FAXC: variants seen among roughly 807,000 people sequenced by gnomAD.
FAXC encodes failed axon connections homolog, metaxin like GST domain containing, also known as failed axon connections homolog.
FAXC carries 10 observed loss-of-function variants against 41.9 expected under a neutral mutation model. The observed-to-expected ratio is 0.24, with a 90% CI of 0.15 to 0.41. The LOEUF (loss-of-function observed/expected upper bound fraction) is 0.41, where lower values mean the gene tolerates loss of function less well. Among genes scored for constraint, FAXC ranks in the 10% least tolerant of loss-of-function variants. FAXC has a pLI of 1.00. For missense variants in FAXC, 399 were observed against 510.9 expected (o/e 0.78, Z 2.11); for synonymous variants, 183 against 183.8 (o/e 1.00, Z 0.03).
At chr6:99,329,965 C>T (rs1772972917) in intron 3 of FAXC, among the ~76,000 whole-genome samples, 2 of 151,510 alleles carry the variant, frequency 1.3e-5, no homozygotes, top group Non-Finnish European at 1.5e-5. Context: ...GTAGCGCGAT[C>T]ACGGCTCAAT....
chr6:99,330,501 A>G (rs1258137769), intron 3 of FAXC, among the ~76,000 whole-genome samples: 2 of 152,246 alleles, frequency 1.3e-5, no homozygotes, highest in African/African-American at 4.8e-5. Flanking sequence ...AAGCCACTTT[A>G]GAGCTGAGTG....
At chr6:99,284,369 C>T (rs924912607) in intron 5 of FAXC, among the ~76,000 whole-genome samples, 14 of 152,156 alleles carry the variant, frequency 9.2e-5, no homozygotes, top group Admixed American at 9.2e-4. Context: ...GCTGGGAGCC[C>T]ACACACTCCT....
intron 2 of FAXC, chr6:99,334,515 T>C (rs1773147254): frequency 6.1e-6 from 3 of 494,982 alleles, no homozygotes; most frequent in South Asian, 8.7e-5. Context: ...TTATCCCTGA[T>C]GTTACCCCAG....
intron 1 of FAXC, among the ~76,000 whole-genome samples, chr6:99,348,072 T>A (rs1193435363): frequency 2.0e-5 from 3 of 152,240 alleles, no homozygotes; most frequent in African/African-American, 7.2e-5. Context: ...AATAATCTCC[T>A]GGGATCCCTG....
At chr6:99,308,022 C>T (rs753051965) in intron 4 of FAXC, among the ~76,000 whole-genome samples, 10 of 152,176 alleles carry the variant, frequency 6.6e-5, no homozygotes, top group Admixed American at 5.9e-4. Flanking sequence ...CCAGGCCAGT[C>T]GCAGTGGCTT....
intron 4 of FAXC, among the ~76,000 whole-genome samples, chr6:99,295,908 C>CCA (rs575399310): frequency 4.7e-4 from 71 of 152,096 alleles, no homozygotes; most frequent in Non-Finnish European, 8.5e-4. Context: ...ATTTTAGTGT[C>CCA]CATTGGTGGA....
intron 2 of FAXC, among the ~76,000 whole-genome samples, chr6:99,338,899 A>G (rs1773316430): frequency 1.3e-5 from 2 of 152,078 alleles, no homozygotes; most frequent in Admixed American, 1.3e-4. Flanking sequence ...TCCCTTTCTA[A>G]TCACTTCCTG....
At chr6:99,292,996 A>AG (rs1415643622) in intron 4 of FAXC, among the ~76,000 whole-genome samples, 1 of 152,096 alleles carries the variant, frequency 6.6e-6, no homozygotes, top group Non-Finnish European at 1.5e-5. Context: ...TAGTAGAGAC[A>AG]GGGTTTCGCC....
chr6:99,271,383 G>A lies in FAXC; in HGVS notation c.*9781C>T, dbSNP rs927983899. ...CTATTTCAAAGTATTTCTGACTAGG[G>A]TCTATGTTAATAAACAGGGCTGATA... On this transcript the variant is annotated 3_prime_UTR_variant, in exon 6 of 6. Transcript: ENST00000389677. 6.6e-6 allele frequency: 1 copy of A among 152,002 alleles called. No individual in the cohort carries two copies. The highest frequency in any genetic ancestry group is 6.5e-5 in the Admixed American group (1 of 15,272). 9.4% of individuals were successfully genotyped at this position (152,002 alleles called of 1,614,324 possible).
chr6:99,300,854 T>C (rs1771676601), intron 4 of FAXC, among the ~76,000 whole-genome samples: 1 of 152,328 alleles, frequency 6.6e-6, no homozygotes, highest in Non-Finnish European at 1.5e-5. Flanking sequence ...CATGTTGAAA[T>C]TTAAGTTCAA....
chr6:99,334,030 C>T (rs1042610605), intron 2 of FAXC, among the ~76,000 whole-genome samples: 12 of 152,094 alleles, frequency 7.9e-5, no homozygotes, highest in Admixed American at 3.3e-4. Flanking sequence ...TATGAATGAA[C>T]GGTCCCCAAA....
intron 4 of FAXC, among the ~76,000 whole-genome samples, chr6:99,294,315 C>A (rs1190964923): frequency 6.6e-6 from 1 of 152,212 alleles, no homozygotes; most frequent in Non-Finnish European, 1.5e-5. Flanking sequence ...GGCGCCATGC[C>A]TCCACCGCAC....
At chr6:99,323,296 A>T in intron 4 of FAXC, 148 bp downstream of exon 4, 1 of 659,548 alleles carries the variant, frequency 1.5e-6, no homozygotes, top group Non-Finnish European at 2.6e-6. Flanking sequence ...AAATTAGAGG[A>T]TTTGGTTAAA....
Position 99,296,913 on chromosome 6 carries a change from G to A in FAXC, c.824-5093C>T, listed in dbSNP as rs1562157623. On this transcript the variant is annotated intron_variant, in intron 4 of 5. Coordinates refer to ENST00000389677, the MANE Select transcript of FAXC (RefSeq NM_032511.4). ...CATATGACCTCTCCTGGGTGGTTTA[G>A]GCAGCTCCTCTCTGTGAGGAAGGCC... Among the ~76,000 whole-genome samples the A allele has an allele frequency of 2.0e-5, 3 of 152,162 alleles. No homozygotes were observed. In the South Asian group the frequency reaches 6.2e-4, roughly 32 times the overall value.
intron 1 of FAXC, among the ~76,000 whole-genome samples, chr6:99,347,104 A>C (rs1231577826): frequency 6.7e-6 from 1 of 148,728 alleles, no homozygotes; most frequent in Non-Finnish European, 1.5e-5. Context: ...TCCACAAAAA[A>C]GTTAAAAAAA....
At chr6:99,281,559 A>G (rs1047917001) in intron 5 of FAXC, 106 bp from the exon 6 acceptor site, 55 of 904,464 alleles carry the variant, frequency 6.1e-5, no homozygotes, top group Non-Finnish European at 8.2e-5. Context: ...CTGACTCCCA[A>G]TGTGATGGTC....
chr6:99,341,744 G>C (rs1397325483), intron 2 of FAXC, among the ~76,000 whole-genome samples: 1 of 152,150 alleles, frequency 6.6e-6, no homozygotes, highest in Non-Finnish European at 1.5e-5. Flanking sequence ...ACGTGTTTAA[G>C]CAAGTAGATC....
intron 1 of FAXC, 87 bp from the exon 2 acceptor site, chr6:99,343,120 G>C (rs919064111): frequency 8.3e-7 from 1 of 1,207,760 alleles, no homozygotes; most frequent in African/African-American, 1.5e-5. Flanking sequence ...CTGCAGGGTT[G>C]TAGCTCCTCA....
chr6:99,288,482 T>G (rs1771104935), intron 5 of FAXC, among the ~76,000 whole-genome samples: 1 of 152,130 alleles, frequency 6.6e-6, no homozygotes, highest in Non-Finnish European at 1.5e-5. Flanking sequence ...AACACAGCCC[T>G]AAATGAACTA....
Sources: allele counts gnomAD v4.1 joint callset (sites outside exome capture counted in the v4.1 genomes callset), GRCh38; gene constraint gnomAD v4.1.1; transcripts MANE v1.5; gene names NCBI Gene and HGNC (gene_info 2026-07-23, HGNC 2026-07-21).